The following TRAPPC12 variants were observed in gnomAD, a reference collection of about 807,000 sequenced individuals.
TRAPPC12 encodes the protein trafficking protein particle complex subunit 12.
Under a neutral mutation model 69.2 loss-of-function variants are expected in TRAPPC12, and 61 were observed. The ratio of observed to expected loss-of-function variants is 0.88; its 90% CI spans 0.72 to 1.09. The LOEUF (loss-of-function observed/expected upper bound fraction) is 1.09. TRAPPC12 is among the 50% of genes least tolerant of loss of function. The pLI, the probability that TRAPPC12 is intolerant of heterozygous loss-of-function variation, is 0.00. For missense variants in TRAPPC12, 1,101 were observed against 1,016.4 expected (o/e 1.08, Z -1.13); for synonymous variants, 469 against 438.9 (o/e 1.07, Z -0.86).
chr2:3,452,707 A>G lies in TRAPPC12; in HGVS notation c.1531-4914A>G, dbSNP rs368717201. On this transcript the variant is annotated intron_variant, in intron 6 of 11. Coordinates refer to ENST00000324266, the MANE Select transcript of TRAPPC12 (RefSeq NM_016030.6). ...AGCTGTGGAAGCTCCTGGACGTTTC[A>G]AAGACCCACTTAATATTTAATAGTC... 7.2e-5 allele frequency among the ~76,000 whole-genome samples: 11 copies of G among 152,342 alleles called. No homozygotes were observed. In the East Asian group the frequency reaches 7.7e-4, roughly 11 times the overall value.
At chr2:3,466,786 G>A (rs1053905800) in intron 9 of TRAPPC12, among the ~76,000 whole-genome samples, 8 of 152,314 alleles carry the variant, frequency 5.3e-5, no homozygotes, top group South Asian at 4.1e-4. Flanking sequence ...TGCGTGACGC[G>A]TGAGCTGCCA....
chr2:3,400,409 T>C (rs1466026517), intron 2 of TRAPPC12, among the ~76,000 whole-genome samples: 1 of 151,800 alleles, frequency 6.6e-6, no homozygotes, highest in Non-Finnish European at 1.5e-5. Flanking sequence ...TCACTGTCTC[T>C]GGCGTTTCAG....
intron 9 of TRAPPC12, among the ~76,000 whole-genome samples, chr2:3,469,319 G>GTGTGC (rs1320253950): frequency 1.3e-5 from 2 of 152,212 alleles, no homozygotes; most frequent in Non-Finnish European, 2.9e-5. Flanking sequence ...GTCAGCACCT[G>GTGTGC]TGTGCTGTGC....
chr2:3,478,329 T>C (rs922811744), intron 10 of TRAPPC12, among the ~76,000 whole-genome samples: 2 of 152,214 alleles, frequency 1.3e-5, no homozygotes, highest in African/African-American at 4.8e-5. Flanking sequence ...TCTATCTCAA[T>C]TAACAAAAAC....
chr2:3,392,652 TATC>T (rs1391886078), intron 2 of TRAPPC12, among the ~76,000 whole-genome samples: 4 of 152,218 alleles, frequency 2.6e-5, no homozygotes, highest in Admixed American at 1.3e-4. Flanking sequence ...CACAATGAGA[TATC>T]ATGGCTGTTA....
chr2:3,450,562 G>A lies in TRAPPC12; in HGVS notation c.1530+6671G>A, dbSNP rs79994454. The stretch of plus-strand genomic sequence containing the variant: ...GATCCCCCCGGGGTGGCGAGGGGGC[G>A]CACGTCAGTGACCTCGCATGGTGCC... On this transcript the variant is annotated intron_variant, in intron 6 of 11. Transcript: ENST00000324266. Among the ~76,000 whole-genome samples, 778 of 152,270 alleles carry A rather than the reference G, an allele frequency of 5.1e-3. 7 individuals are homozygous for A. Among genetic ancestry groups the A allele is most frequent in the East Asian group, 0.03 (156 of 5,170 alleles).
chr2:3,478,031 A>T, intron 10 of TRAPPC12: 1 of 380,242 alleles, frequency 2.6e-6, no homozygotes, highest in Non-Finnish European at 4.8e-6. Context: ...TCTTCAGAGA[A>T]GCGCTTGTAT....
chr2:3,445,723 C>G (rs778445769), intron 6 of TRAPPC12, among the ~76,000 whole-genome samples: 2 of 152,260 alleles, frequency 1.3e-5, no homozygotes, highest in East Asian at 1.9e-4. Context: ...AGTCCATGCT[C>G]TTCATCACTT....
At chr2:3,397,209 A>C (rs142982153) in intron 2 of TRAPPC12, among the ~76,000 whole-genome samples, 2 of 152,238 alleles carry the variant, frequency 1.3e-5, no homozygotes, top group Admixed American at 1.3e-4. Flanking sequence ...TCTGACAAGC[A>C]AGTAACTTAT....
At chr2:3,422,562 T>C (rs992537693) in intron 4 of TRAPPC12, among the ~76,000 whole-genome samples, 2 of 152,210 alleles carry the variant, frequency 1.3e-5, no homozygotes, top group African/African-American at 2.4e-5. Flanking sequence ...TCTTCTAGCT[T>C]ACATGGGAAT....
chr2:3,473,898 T>A (rs1025135481), intron 9 of TRAPPC12, among the ~76,000 whole-genome samples: 13 of 152,252 alleles, frequency 8.5e-5, no homozygotes, highest in African/African-American at 3.1e-4. Flanking sequence ...CCTATGTGGC[T>A]GTTAACATAG....
At chr2:3,403,765 C>G (rs1661581976) in intron 3 of TRAPPC12, among the ~76,000 whole-genome samples, 1 of 152,192 alleles carries the variant, frequency 6.6e-6, no homozygotes, top group Non-Finnish European at 1.5e-5. Flanking sequence ...AAATCACTTA[C>G]TTGCAAGAAG....
intron 8 of TRAPPC12, among the ~76,000 whole-genome samples, chr2:3,461,497 A>G (rs1310115557): frequency 3.6e-4 from 55 of 152,228 alleles, no homozygotes; most frequent in Admixed American, 3.6e-3. Flanking sequence ...TGCAAGCCTC[A>G]GCCTCCTCCT....
chr2:3,472,150 A>G (rs1433176709), intron 9 of TRAPPC12, among the ~76,000 whole-genome samples: 2 of 152,178 alleles, frequency 1.3e-5, no homozygotes, highest in African/African-American at 4.8e-5. Context: ...GCAAGAACCA[A>G]GGTCACCTCT....
chr2:3,472,878 C>G (rs1348937089), intron 9 of TRAPPC12, among the ~76,000 whole-genome samples: 2 of 152,066 alleles, frequency 1.3e-5, no homozygotes, highest in Non-Finnish European at 2.9e-5. Flanking sequence ...GGTCAGCGTC[C>G]CTGGTTGGAA....
At chr2:3,456,032 A>G (rs887311704) in intron 6 of TRAPPC12, 2 of 152,182 alleles carry the variant, frequency 1.3e-5, no homozygotes, top group Admixed American at 6.5e-5. Flanking sequence ...CCTTTTTGTC[A>G]GTTTCTGTTC....
chr2:3,450,699 T>A (rs1295224417), intron 6 of TRAPPC12, among the ~76,000 whole-genome samples: 1 of 152,116 alleles, frequency 6.6e-6, no homozygotes, highest in Admixed American at 6.5e-5. Context: ...GACTGGAAGG[T>A]CGCAGGACTT....
At chr2:3,410,165 G>A (rs1335532454) in intron 3 of TRAPPC12, among the ~76,000 whole-genome samples, 12 of 152,216 alleles carry the variant, frequency 7.9e-5, no homozygotes, top group South Asian at 4.1e-4. Flanking sequence ...TAGACCAATC[G>A]ATATTAACCA....
chr2:3,429,652 C>T (rs761160286), intron 5 of TRAPPC12, among the ~76,000 whole-genome samples: 5 of 152,124 alleles, frequency 3.3e-5, no homozygotes, highest in East Asian at 1.9e-4. Context: ...ATGTTGCCCA[C>T]GTCTATTTAC....
Sources: gnomAD v4.1 joint callset for allele counts (sites outside exome capture counted in the v4.1 genomes callset) on GRCh38, gnomAD v4.1.1 for gene constraint, MANE v1.5 for transcripts, NCBI Gene and HGNC (gene_info 2026-07-23, HGNC 2026-07-21) for gene names.